Variants in TAFA2 observed in about 807,000 individuals in gnomAD.
TAFA2 encodes the protein TAFA chemokine like family member 2.
In TAFA2, 7 loss-of-function variants were observed where a neutral mutation model predicts 18.8. The ratio of observed to expected loss-of-function variants is 0.37; its 90% CI spans 0.21 to 0.70. TAFA2 has a LOEUF of 0.70. Ranked by LOEUF, TAFA2 falls within the 30% of genes least tolerant of loss-of-function variation. TAFA2 has a pLI of 0.53. For synonymous variants in TAFA2, 60 were observed against 54.2 expected (o/e 1.11, Z -0.47); for missense variants, 122 against 158.1 (o/e 0.77, Z 1.23).
chr12:62,187,853 A>G (rs77243203), intron 1 of TAFA2, among the ~76,000 whole-genome samples: 6,675 of 152,288 alleles, frequency 0.044, 207 homozygotes, highest in Non-Finnish European at 0.066. Context: ...TCTAAAGACT[A>G]ATGGTAACTC....
chr12:61,960,565 C>T (rs1878848219), intron 1 of TAFA2, among the ~76,000 whole-genome samples: 1 of 151,990 alleles, frequency 6.6e-6, no homozygotes, highest in Admixed American at 6.6e-5. Context: ...CTATGAGAAA[C>T]TCAGAGAGTG....
At chr12:61,894,797 A>T (rs908444045) in intron 1 of TAFA2, among the ~76,000 whole-genome samples, 1 of 152,184 alleles carries the variant, frequency 6.6e-6, no homozygotes, top group Non-Finnish European at 1.5e-5. Context: ...TATTTAAAGG[A>T]ATTTGTCTCT....
At chr12:62,003,317 T>C (rs1880441475) in intron 1 of TAFA2, among the ~76,000 whole-genome samples, 1 of 152,154 alleles carries the variant, frequency 6.6e-6, no homozygotes, top group South Asian at 2.1e-4. Flanking sequence ...CCCCCTTATG[T>C]CTGATTTCCC....
chr12:61,792,459 T>G (rs1201559904), intron 2 of TAFA2, among the ~76,000 whole-genome samples: 1 of 151,688 alleles, frequency 6.6e-6, no homozygotes, highest in East Asian at 1.9e-4. Context: ...TACTATGATT[T>G]GATCATTACA....
rs556046224 is a variant in TAFA2 at position 61,781,256 on chromosome 12, G to C, written c.107-26232C>G. Among the ~76,000 whole-genome samples, 13 of 151,772 alleles carry C rather than the reference G, an allele frequency of 8.6e-5. No homozygotes were observed. In the South Asian group the frequency reaches 2.7e-3, roughly 32 times the overall value. ...TAGAAGAGCCAGGAGAGGGAATGTG[G>C]AGGAGAATAAAAGGCAGGAGAATGA... On this transcript the variant is annotated intron_variant, in intron 2 of 4. Transcript: ENST00000416284.
chr12:61,819,879 G>A (rs184502453), intron 2 of TAFA2, among the ~76,000 whole-genome samples: 35 of 152,120 alleles, frequency 2.3e-4, no homozygotes, highest in Admixed American at 6.5e-4. Context: ...AACATCTGGG[G>A]AGAAAAACTC....
intron 2 of TAFA2, among the ~76,000 whole-genome samples, chr12:61,794,731 G>C (rs1022450186): frequency 1.3e-5 from 2 of 152,028 alleles, no homozygotes; most frequent in Non-Finnish European, 2.9e-5. Context: ...TGACAAATGG[G>C]ATCTAATTCA....
intron 2 of TAFA2, among the ~76,000 whole-genome samples, chr12:61,839,794 G>T (rs149045905): frequency 9.2e-5 from 14 of 152,058 alleles, no homozygotes; most frequent in Non-Finnish European, 1.9e-4. Context: ...TGGGCAAAGG[G>T]ATCATTAGAA....
chr12:61,871,198 A>G (rs1425736512), intron 1 of TAFA2, among the ~76,000 whole-genome samples: 1 of 152,242 alleles, frequency 6.6e-6, no homozygotes, highest in Non-Finnish European at 1.5e-5. Flanking sequence ...TCTGATTTTT[A>G]AATAACAATC....
intron 2 of TAFA2, among the ~76,000 whole-genome samples, chr12:61,843,013 G>A (rs1378378500): frequency 2.6e-5 from 4 of 151,978 alleles, no homozygotes; most frequent in African/African-American, 4.8e-5. Flanking sequence ...GAAGAAACCC[G>A]ACATGCAGAG....
At chr12:61,772,510 C>T (rs1870076960) in intron 2 of TAFA2, among the ~76,000 whole-genome samples, 1 of 151,924 alleles carries the variant, frequency 6.6e-6, no homozygotes, top group Non-Finnish European at 1.5e-5. Context: ...AAAGATAATA[C>T]ACCATGATCA....
chr12:62,078,073 C>T (rs1331245619), intron 1 of TAFA2, among the ~76,000 whole-genome samples: 1 of 152,152 alleles, frequency 6.6e-6, no homozygotes, highest in Non-Finnish European at 1.5e-5. Flanking sequence ...CCTCTTGAGA[C>T]AGCACAGGTC....
At chr12:61,758,965 AT>A (rs988992576) in intron 2 of TAFA2, among the ~76,000 whole-genome samples, 1 of 151,940 alleles carries the variant, frequency 6.6e-6, no homozygotes, top group African/African-American at 2.4e-5. Flanking sequence ...GGAGAACATT[AT>A]GGTGGCTAGG....
At chr12:62,060,496 ATACT>A (rs1323383041) in intron 1 of TAFA2, among the ~76,000 whole-genome samples, 2 of 152,272 alleles carry the variant, frequency 1.3e-5, no homozygotes, top group Non-Finnish European at 2.9e-5. Context: ...ACAATACATA[ATACT>A]TAATAATAAC....
chr12:62,234,119 T>C (rs985180737), intron 1 of TAFA2, among the ~76,000 whole-genome samples: 1 of 152,204 alleles, frequency 6.6e-6, no homozygotes, highest in African/African-American at 2.4e-5. Context: ...ACATGTCCAA[T>C]GGTATATGTC....
rs576161692 is a variant in TAFA2, at chr12:61,720,826, CT to C, written c.385-10410del. The C allele has an allele frequency of 3.6e-4, 171 of 481,448 alleles. 1 individual carries two copies. Among genetic ancestry groups the C allele is most frequent in the African/African-American group, 3.1e-3 (159 of 51,240 alleles). The allele number at this position is 481,448 out of a possible 1,614,324, so 29.8% of individuals were successfully genotyped here. ...CTAGTGCTCCAACATGGAGCCAAAA[CT>C]TTTTTGAGTGTGGAGAAATCAAAAA... On this transcript the variant is annotated intron_variant, in intron 4 of 4. Transcript: ENST00000416284.
At chr12:61,839,357 A>G (rs1194590824) in intron 2 of TAFA2, among the ~76,000 whole-genome samples, 1 of 152,124 alleles carries the variant, frequency 6.6e-6, no homozygotes, top group Non-Finnish European at 1.5e-5. Context: ...TCCAAGAACT[A>G]AAAATAGAAC....
intron 2 of TAFA2, among the ~76,000 whole-genome samples, chr12:61,786,015 G>C (rs1426117562): frequency 4.0e-5 from 6 of 151,548 alleles, no homozygotes; most frequent in Non-Finnish European, 7.4e-5. Context: ...GAGATTACTG[G>C]AGACGAGAAG....
At chr12:61,758,135 T>A (rs1869363557) in intron 2 of TAFA2, among the ~76,000 whole-genome samples, 1 of 151,928 alleles carries the variant, frequency 6.6e-6, no homozygotes, top group African/African-American at 2.4e-5. Context: ...TTGGTAAAAA[T>A]CATGTTAGTG....
Sources: gnomAD v4.1 joint callset for allele counts (sites outside exome capture counted in the v4.1 genomes callset) on GRCh38, gnomAD v4.1.1 for gene constraint, MANE v1.5 for transcripts, NCBI Gene and HGNC (gene_info 2026-07-23, HGNC 2026-07-21) for gene names.